The following PCDHGA8 variants were observed in gnomAD, a reference collection of about 807,000 sequenced individuals.
PCDHGA8 encodes protocadherin gamma-A8.
In PCDHGA8, 45 loss-of-function variants were observed where a neutral mutation model predicts 59.2. The observed-to-expected ratio is 0.76, with a 90% CI of 0.60 to 0.98. The LOEUF (loss-of-function observed/expected upper bound fraction) is 0.98, where lower values mean the gene tolerates loss of function less well. Among genes scored for constraint, PCDHGA8 ranks in the 50% least tolerant of loss-of-function variants. The pLI is 0.00. For synonymous variants in PCDHGA8, 531 were observed against 519.0 expected, an observed-to-expected ratio of 1.02 and a Z score of -0.32; for missense variants, 1,257 against 1,196.2, an observed-to-expected ratio of 1.05 and a Z score of -0.75.
chr5:141,452,165 C>T (rs917431071), intron 1 of PCDHGA8, among the ~76,000 whole-genome samples: 2 of 152,120 alleles, frequency 1.3e-5, no homozygotes, highest in African/African-American at 4.8e-5. Flanking sequence ...TATTCTATTA[C>T]TAACATTTTT....
intron 1 of PCDHGA8, chr5:141,413,787 A>G (rs2095678061): frequency 6.2e-7 from 1 of 1,613,170 alleles, no homozygotes; most frequent in African/African-American, 1.3e-5. Flanking sequence ...AGCACTCCCT[A>G]GATCGCGAGG....
Position 141,400,130 on chromosome 5 carries a change from T to C in PCDHGA8, c.2424+4893T>C, listed in dbSNP as rs369250985. On this transcript the variant is annotated intron_variant, in intron 1 of 3. Transcript: ENST00000398604. ...TTTGCTGACAGCTTGCAGGAGGTGC[T>C]GCCGGATATCACTGACCGCCCTGTA... is the stretch of plus-strand genomic sequence containing the variant. The C allele has an allele frequency of 1.9e-6, 3 of 1,613,954 alleles. No individual in the cohort carries two copies. The African/African-American group carries it at 4.0e-5, about 22-fold the overall frequency.
At chr5:141,464,422 TATAG>T (rs2099083887) in intron 1 of PCDHGA8, among the ~76,000 whole-genome samples, 1 of 151,672 alleles carries the variant, frequency 6.6e-6, no homozygotes, top group African/African-American at 2.4e-5. Context: ...TATCTATATA[TATAG>T]ATATATATGT....
chr5:141,423,804 T>C (rs571396807), intron 1 of PCDHGA8: 50 of 1,240,508 alleles, frequency 4.0e-5, no homozygotes, highest in African/African-American at 2.7e-4. Flanking sequence ...GAGCAATACA[T>C]GTGAGTTTTA....
chr5:141,418,589 C>G lies in PCDHGA8; in HGVS notation c.2424+23352C>G, dbSNP rs184213052. ...CAATGACAACCCCCCAGTGTTCAGC[C>G]AGGACGTGTACAGGGTTAGCCTTCG... On this transcript the variant is annotated intron_variant, in intron 1 of 3. Transcript: ENST00000398604. 5.5e-4 allele frequency: 884 copies of G among 1,614,012 alleles called. 4 individuals carry two copies. Among genetic ancestry groups the G allele is most frequent in the South Asian group, 4.0e-3 (361 of 91,086 alleles).
chr5:141,418,749 C>A, intron 1 of PCDHGA8: 1 of 1,613,866 alleles, frequency 6.2e-7, no homozygotes, highest in South Asian at 1.1e-5. Flanking sequence ...CTGGATTACA[C>A]TACAGGAAAC....
chr5:141,422,205 A>G (rs758255761), intron 1 of PCDHGA8: 2 of 1,562,218 alleles, frequency 1.3e-6, no homozygotes, highest in Non-Finnish European at 1.7e-6. Flanking sequence ...AAGATGGTGG[A>G]GGTCTCTTTA....
chr5:141,487,596 A>T lies in PCDHGA8; in HGVS notation c.2425-7211A>T. The stretch of plus-strand genomic sequence containing the variant: ...GTTCGCCCAAGCTGCCCACCCTCTG[A>T]TCTTCTCTATGGGCTAGAGGTGAGA... On this transcript the variant is annotated intron_variant, in intron 1 of 3. Transcript: ENST00000398604. The surrounding 1 kb of genome is among the most constrained non-coding windows in gnomAD (Gnocchi z 5.0). The T allele has an allele frequency of 1.2e-6, 2 of 1,614,108 alleles. No individual in the cohort carries two copies. Among genetic ancestry groups the T allele is most frequent in the Non-Finnish European group, 8.5e-7 (1 of 1,180,024 alleles).
intron 1 of PCDHGA8, chr5:141,413,532 A>C (rs1269070438): frequency 9.9e-6 from 16 of 1,613,788 alleles, no homozygotes; most frequent in Non-Finnish European, 1.2e-5. Context: ...ACAGGGTGAA[A>C]CTTTTTGGGA....
chr5:141,472,980 CA>C (rs60579131), intron 1 of PCDHGA8, among the ~76,000 whole-genome samples: 39,687 of 85,940 alleles, frequency 0.46, 5,633 homozygotes, highest in African/African-American at 0.56. Flanking sequence ...GAGTGAAACT[CA>C]AAAAAAAAAA....
At chr5:141,458,100 A>AT (rs2098937418) in intron 1 of PCDHGA8, among the ~76,000 whole-genome samples, 1 of 152,252 alleles carries the variant, frequency 6.6e-6, no homozygotes, top group Non-Finnish European at 1.5e-5. Context: ...GAGTACTTAC[A>AT]GATAGTCTCC....
chr5:141,399,008 G>GC, intron 1 of PCDHGA8: 1 of 1,613,904 alleles, frequency 6.2e-7, no homozygotes, highest in Non-Finnish European at 8.5e-7. Flanking sequence ...AATTCAAAGA[G>GC]CGGAGAAATT....
intron 1 of PCDHGA8, chr5:141,433,252 G>T (rs1398141147): frequency 1.4e-6 from 2 of 1,425,340 alleles, no homozygotes; most frequent in Non-Finnish European, 1.9e-6. Flanking sequence ...GGAATGCAGC[G>T]GTACGATCAT....
chr5:141,432,964 G>A lies in PCDHGA8; in HGVS notation c.2424+37727G>A, dbSNP rs2097554835. On this transcript the variant is annotated intron_variant, in intron 1 of 3. Transcript: ENST00000398604. This position sits in a 1 kb window ranked among gnomAD's most constrained non-coding sequence, Gnocchi z 6.0. Reference sequence around the variant, plus strand: ...CTTCAGGAGGCGGCTTGACAGGAGCGCCGGCGTCGCACTTTGTGGGCGTGG... The same window carrying A: ...CTTCAGGAGGCGGCTTGACAGGAGCACCGGCGTCGCACTTTGTGGGCGTGG... The A allele has an allele frequency of 6.2e-7, 1 of 1,614,044 alleles. No homozygotes were observed. Among genetic ancestry groups the A allele is most frequent in the African/African-American group, 1.3e-5 (1 of 74,934 alleles).
chr5:141,470,476 A>G (rs1009129571), intron 1 of PCDHGA8, among the ~76,000 whole-genome samples: 7 of 152,128 alleles, frequency 4.6e-5, no homozygotes, highest in African/African-American at 1.7e-4. Context: ...GATATTACTA[A>G]CCCTCTGGGA....
At chr5:141,420,025 T>A in intron 1 of PCDHGA8, 1 of 1,614,096 alleles carries the variant, frequency 6.2e-7, no homozygotes, top group Non-Finnish European at 8.5e-7. Context: ...TCAGCCCTAC[T>A]GCAGGAGACT....
At chr5:141,443,126 A>G (rs972396091) in intron 1 of PCDHGA8, among the ~76,000 whole-genome samples, 1 of 152,190 alleles carries the variant, frequency 6.6e-6, no homozygotes, top group Non-Finnish European at 1.5e-5. Context: ...AACCAGATTA[A>G]GAACACTATC....
intron 1 of PCDHGA8, chr5:141,411,535 G>C (rs945278706): frequency 6.6e-6 from 1 of 152,274 alleles, no homozygotes; most frequent in Non-Finnish European, 1.5e-5. Context: ...AGTGAGCCCT[G>C]ATCTTGCCAC....
In PCDHGA8 at chr5:141,477,868, C is replaced by T. The variant is rs1450078298; in HGVS notation, c.2425-16939C>T. 2 of 1,613,750 alleles carry T rather than the reference C, an allele frequency of 1.2e-6. No individual in the cohort carries two copies. Among genetic ancestry groups the T allele is most frequent in the Admixed American group, 3.3e-5 (2 of 59,988 alleles). On this transcript the variant is annotated intron_variant, in intron 1 of 3. Coordinates refer to ENST00000398604, the MANE Select transcript of PCDHGA8 (RefSeq NM_032088.2). This position sits in a 1 kb window ranked among gnomAD's most constrained non-coding sequence, Gnocchi z 4.9. ...CGGTGGAGATGCTGCCTCGAGGTAC[C>T]TCAGCTGGCCACCTAGTGTCACGGG...
Sources: gnomAD v4.1 joint callset for allele counts (sites outside exome capture counted in the v4.1 genomes callset) on GRCh38, gnomAD v4.1.1 for gene constraint, Gnocchi (gnomAD v3.1) non-coding constraint, MANE v1.5 for transcripts, NCBI Gene and HGNC (gene_info 2026-07-23, HGNC 2026-07-21) for gene names.